The following SHANK2 variants were observed in gnomAD, a reference collection of about 807,000 sequenced individuals.
SHANK2 encodes the protein SH3 and multiple ankyrin repeat domains protein 2.
A neutral mutation model predicts 133.7 loss-of-function variants in SHANK2; 43 were observed. The observed-to-expected ratio is 0.32, with a 90% CI of 0.25 to 0.41. The LOEUF is 0.41. Among genes scored for constraint, SHANK2 ranks in the 10% least tolerant of loss-of-function variants. The pLI, the probability that SHANK2 is intolerant of heterozygous loss-of-function variation, is 1.00. For synonymous variants in SHANK2, 1,017 were observed against 952.8 expected (o/e 1.07, Z -1.24); for missense variants, 1,994 against 2,235.8 (o/e 0.89, Z 2.18).
chr11:71,224,025 G>A (rs1555121768), intron 2 of SHANK2, among the ~76,000 whole-genome samples: 1 of 152,236 alleles, frequency 6.6e-6, no homozygotes, highest in East Asian at 1.9e-4. Flanking sequence ...CCCAGTGTGT[G>A]GTCAAGCCAA....
intron 17 of SHANK2, among the ~76,000 whole-genome samples, chr11:70,599,849 G>A (rs1554990471): frequency 3.5e-5 from 4 of 113,360 alleles, no homozygotes; most frequent in African/African-American, 6.5e-5. Flanking sequence ...AGGAGAGAAC[G>A]AAAGAAAGAA....
intron 2 of SHANK2, among the ~76,000 whole-genome samples, chr11:71,207,627 C>T (rs1218754305): frequency 1.3e-5 from 2 of 152,210 alleles, no homozygotes; most frequent in African/African-American, 4.8e-5. Flanking sequence ...AATCTATTTT[C>T]AGTGCTTTGC....
At chr11:70,900,401 T>C (rs1950006935) in intron 10 of SHANK2, among the ~76,000 whole-genome samples, 1 of 151,826 alleles carries the variant, frequency 6.6e-6, no homozygotes, top group Non-Finnish European at 1.5e-5. Flanking sequence ...GACTATGTCT[T>C]CAAACACTGC....
chr11:71,084,682 G>A (rs1951353713), intron 8 of SHANK2, among the ~76,000 whole-genome samples: 1 of 152,194 alleles, frequency 6.6e-6, no homozygotes, highest in African/African-American at 2.4e-5. Flanking sequence ...ACCTGCCCCT[G>A]TAATTTCTTC....
At chr11:70,668,318 T>C (rs1944718526) in intron 15 of SHANK2, 1 of 151,946 alleles carries the variant, frequency 6.6e-6, no homozygotes, top group South Asian at 2.1e-4. Context: ...CAGAGGGAGG[T>C]TGACACCCAG....
intron 17 of SHANK2, among the ~76,000 whole-genome samples, chr11:70,521,639 T>G (rs1268726406): frequency 6.6e-6 from 1 of 152,210 alleles, no homozygotes; most frequent in Admixed American, 6.5e-5. Context: ...TGTTTCTGTA[T>G]GTGTATGTGT....
In SHANK2 at chr11:71,168,938, AGAGT is replaced by A. The variant is rs1303312629; in HGVS notation, c.-12-21604_-12-21601del. On this transcript the variant is annotated intron_variant, in intron 2 of 25. Coordinates refer to ENST00000601538, the MANE Select transcript of SHANK2 (RefSeq NM_012309.5). ...AACTGAGGCAGAATAAGATGCATAA[AGAGT>A]TAGTTTGAGCAAACAGTGATTTATG... Among the ~76,000 whole-genome samples, 10 of 152,356 alleles carry A rather than the reference AGAGT, an allele frequency of 6.6e-5. No individual in the cohort carries two copies. The East Asian group carries it at 9.6e-4, about 15-fold the overall frequency.
chr11:70,530,586 G>A (rs564325895), intron 17 of SHANK2, among the ~76,000 whole-genome samples: 3 of 152,236 alleles, frequency 2.0e-5, no homozygotes, highest in East Asian at 1.9e-4. Context: ...ATACTACAAC[G>A]TGGATGAGCC....
chr11:70,607,373 G>A (rs1221275181), intron 17 of SHANK2, among the ~76,000 whole-genome samples: 2 of 152,136 alleles, frequency 1.3e-5, no homozygotes, highest in African/African-American at 4.8e-5. Flanking sequence ...CTCTCCCTAT[G>A]TGCCTGCCCC....
chr11:70,482,444 C>T (rs1018120386), intron 25 of SHANK2, among the ~76,000 whole-genome samples: 12 of 152,250 alleles, frequency 7.9e-5, no homozygotes, highest in African/African-American at 2.9e-4. Context: ...TTGGTCATTC[C>T]TTCCAAGGCA....
At position 70,472,832 on chromosome 11, in the gene SHANK2, T is replaced by A; in HGVS notation, c.*37A>T. On this transcript the variant is annotated 3_prime_UTR_variant, in exon 26 of 26. Coordinates refer to ENST00000601538, the MANE Select transcript of SHANK2 (RefSeq NM_012309.5). This position sits in a 1 kb window ranked among gnomAD's most constrained non-coding sequence, Gnocchi z 4.4. ...TTCAGCACGAGCCCATCTCTACTTATAACAAGAGCAGTCTGCGAGGTGGAG... is the reference window on the plus strand; with the variant it reads ...TTCAGCACGAGCCCATCTCTACTTAAAACAAGAGCAGTCTGCGAGGTGGAG... 3.1e-6 allele frequency: 5 copies of A among 1,595,950 alleles called. No homozygotes were observed. The South Asian group carries it at 5.5e-5, about 18-fold the overall frequency.
chr11:71,201,995 T>C (rs55712817), intron 2 of SHANK2, among the ~76,000 whole-genome samples: 4,754 of 152,340 alleles, frequency 0.031, 229 homozygotes, highest in Admixed American at 0.15. Context: ...TTATTGTTAT[T>C]TGGACAAGTC....
At chr11:70,687,708 A>C (rs1945186678) in intron 15 of SHANK2, among the ~76,000 whole-genome samples, 1 of 152,218 alleles carries the variant, frequency 6.6e-6, no homozygotes, top group Admixed American at 6.5e-5. Context: ...GGCGGGGCTC[A>C]GGGATTTTAG....
At position 70,626,942 on chromosome 11, in the gene SHANK2, C is replaced by T. The variant is rs534678915; in HGVS notation, c.2061+32886G>A. Among the ~76,000 whole-genome samples the T allele has an allele frequency of 4.6e-5, 7 of 152,280 alleles. No individual in the cohort carries two copies. In the South Asian group the frequency reaches 1.0e-3, roughly 23 times the overall value. On this transcript the variant is annotated intron_variant, in intron 17 of 25. Transcript: ENST00000601538. ...TGAAGGCTGCGGTTCCCAGGTCCTC[C>T]GTCAGCACGTATCTCATTTCCTGGG... is the stretch of plus-strand genomic sequence containing the variant.
intron 10 of SHANK2, among the ~76,000 whole-genome samples, chr11:70,901,460 CA>C (rs1950022065): frequency 6.6e-6 from 1 of 152,176 alleles, no homozygotes; most frequent in African/African-American, 2.4e-5. Flanking sequence ...CTGCTTTGTC[CA>C]GGTTTTTCAG....
intron 17 of SHANK2, among the ~76,000 whole-genome samples, chr11:70,536,170 C>T (rs1485256148): frequency 6.6e-6 from 1 of 152,222 alleles, no homozygotes; most frequent in Non-Finnish European, 1.5e-5. Flanking sequence ...AGGAGACCTC[C>T]TTACCCTGGC....
chr11:71,238,964 A>C (rs1954856409), intron 1 of SHANK2, among the ~76,000 whole-genome samples: 1 of 152,250 alleles, frequency 6.6e-6, no homozygotes, highest in Admixed American at 6.5e-5. Flanking sequence ...AGAGATTTGG[A>C]AAAGAAAAAG....
intron 9 of SHANK2, among the ~76,000 whole-genome samples, chr11:71,062,096 C>T (rs1207274170): frequency 6.7e-6 from 1 of 149,146 alleles, no homozygotes; most frequent in Admixed American, 6.8e-5. Flanking sequence ...GCTAGGATTA[C>T]AGGCGCACGC....
At chr11:71,163,093 A>AAAAAATATATATATATATAT in intron 2 of SHANK2, among the ~76,000 whole-genome samples, 3 of 84,678 alleles carry the variant, frequency 3.5e-5, no homozygotes, top group African/African-American at 1.4e-4. Flanking sequence ...AAAAAAAAAA[A>AAAAAATATATATATATATAT]ATACATATAT....
Sources: gnomAD v4.1 joint callset for allele counts (sites outside exome capture counted in the v4.1 genomes callset) on GRCh38, gnomAD v4.1.1 for gene constraint, Gnocchi (gnomAD v3.1) non-coding constraint, MANE v1.5 for transcripts, NCBI Gene and HGNC (gene_info 2026-07-23, HGNC 2026-07-21) for gene names.